Variants in IL1RAPL2 observed in about 807,000 individuals in gnomAD.
IL1RAPL2 encodes the protein X-linked interleukin-1 receptor accessory protein-like 2.
Under a neutral mutation model 44.1 loss-of-function variants are expected in IL1RAPL2, and 3 were observed. The observed-to-expected ratio is 0.07, with a 90% CI of 0.03 to 0.18. The LOEUF (loss-of-function observed/expected upper bound fraction) is 0.18, where lower values mean the gene tolerates loss of function less well. IL1RAPL2 is among the 10% of genes least tolerant of loss of function. The pLI is 1.00. For synonymous variants in IL1RAPL2, 181 were observed against 178.8 expected, an observed-to-expected ratio of 1.01 and a Z score of -0.10; for missense variants, 391 against 496.4, an observed-to-expected ratio of 0.79 and a Z score of 2.02.
At chrX:105,669,047 AT>A (rs1271881990) in intron 6 of IL1RAPL2, among the ~76,000 whole-genome samples, 2 of 111,738 alleles carry the variant, frequency 1.8e-5, no homozygotes, top group African/African-American at 6.5e-5. Context: ...GAAGGATCTC[AT>A]TTTAAAATTA....
chrX:104,730,367 T>TGGGCCCCCCC, intron 2 of IL1RAPL2, among the ~76,000 whole-genome samples: 1 of 66,818 alleles, frequency 1.5e-5, no homozygotes, highest in East Asian at 5.9e-4. Flanking sequence ...ATGCTATCCC[T>TGGGCCCCCCC]CCCCTCCCCC....
chrX:105,292,392 T>G (rs192742106), intron 5 of IL1RAPL2, among the ~76,000 whole-genome samples: 4 of 112,362 alleles, frequency 3.6e-5, no homozygotes, highest in African/African-American at 1.3e-4. Context: ...CTGCCACTTG[T>G]TGTGTTTGGT....
intron 2 of IL1RAPL2, among the ~76,000 whole-genome samples, chrX:105,107,313 G>A (rs781377611): frequency 8.9e-6 from 1 of 112,222 alleles, no homozygotes; most frequent in African/African-American, 3.2e-5. Flanking sequence ...CAGAAATCTT[G>A]AGTTTGAGTC....
chrX:105,220,363 A>C lies in IL1RAPL2; in HGVS notation c.357-13455A>C. 8.3e-7 allele frequency: 1 copy of C among 1,199,142 alleles called. No homozygotes were observed. Among genetic ancestry groups the C allele is most frequent in the Admixed American group, 2.2e-5 (1 of 45,678 alleles). On this transcript the variant is annotated intron_variant, in intron 3 of 10. Coordinates refer to ENST00000372582, the MANE Select transcript of IL1RAPL2 (RefSeq NM_017416.2). ...GAAGGCCACCACGTTGCTATGCCGGAACCCGCTACTGGGGTCCTCAGGTCT... is the reference window on the plus strand; with the variant it reads ...GAAGGCCACCACGTTGCTATGCCGGCACCCGCTACTGGGGTCCTCAGGTCT...
intron 7 of IL1RAPL2, among the ~76,000 whole-genome samples, chrX:105,729,559 G>A (rs1458254098): frequency 9.1e-6 from 1 of 110,446 alleles, no homozygotes; most frequent in Non-Finnish European, 1.9e-5. Context: ...GTTTTTTTAT[G>A]GTTGAGTTTT....
At chrX:105,500,397 A>G (rs1229121934) in intron 6 of IL1RAPL2, among the ~76,000 whole-genome samples, 2 of 111,127 alleles carry the variant, frequency 1.8e-5, no homozygotes, top group Non-Finnish European at 3.8e-5. Context: ...TCTAACAGAG[A>G]TCTATTAACT....
At chrX:105,082,793 A>T (rs1317225591) in intron 2 of IL1RAPL2, among the ~76,000 whole-genome samples, 1 of 111,556 alleles carries the variant, frequency 9.0e-6, no homozygotes, top group Non-Finnish European at 1.9e-5. Context: ...ACCCCATCCG[A>T]AGGTCACCAA....
At chrX:105,316,908 A>ATTT (rs145680042) in intron 5 of IL1RAPL2, among the ~76,000 whole-genome samples, 1 of 105,639 alleles carries the variant, frequency 9.5e-6, no homozygotes, top group African/African-American at 3.4e-5. Context: ...GTCTCCAGTA[A>ATTT]TTTTTTTTTT....
At chrX:104,730,887 T>C (rs1332844806) in intron 2 of IL1RAPL2, among the ~76,000 whole-genome samples, 3 of 109,894 alleles carry the variant, frequency 2.7e-5, no homozygotes, top group African/African-American at 6.6e-5. Flanking sequence ...AGCACCTGTT[T>C]TTTCCTGACT....
At chrX:104,786,735 T>C (rs1320800429) in intron 2 of IL1RAPL2, among the ~76,000 whole-genome samples, 1 of 111,576 alleles carries the variant, frequency 9.0e-6, no homozygotes, top group Non-Finnish European at 1.9e-5. Context: ...GTAGCTACTC[T>C]CATAGGTATC....
chrX:104,913,432 G>T (rs939159370), intron 2 of IL1RAPL2, among the ~76,000 whole-genome samples: 1 of 111,305 alleles, frequency 9.0e-6, no homozygotes, highest in East Asian at 2.8e-4. Context: ...ATCACTTCAG[G>T]TCCCTGAGCA....
intron 2 of IL1RAPL2, among the ~76,000 whole-genome samples, chrX:105,039,917 G>A (rs2031695927): frequency 9.0e-6 from 1 of 110,674 alleles, no homozygotes; most frequent in East Asian, 2.9e-4. Context: ...CCAACACTAT[G>A]TTGAATAGGA....
intron 6 of IL1RAPL2, among the ~76,000 whole-genome samples, chrX:105,618,040 C>A (rs1366791486): frequency 4.5e-5 from 5 of 110,368 alleles, no homozygotes; most frequent in African/African-American, 1.6e-4. Flanking sequence ...TTGGAGACCA[C>A]ATTTTCTTAA....
intron 2 of IL1RAPL2, among the ~76,000 whole-genome samples, chrX:105,146,724 A>C (rs1198941374): frequency 2.7e-5 from 3 of 111,265 alleles, no homozygotes; most frequent in Non-Finnish European, 5.7e-5. Context: ...AAAAAATGAG[A>C]CATTTATTGC....
rs944091914 is a variant in IL1RAPL2 at position 105,485,782 on chromosome X, T to C, written c.772+1395T>C. ...TTTCATCCATGTTGTTGCAAATCAC[T>C]GGACCTCGTTCTTTTTTATGACTGA... On this transcript the variant is annotated intron_variant, in intron 6 of 10. Transcript: ENST00000372582. 4.5e-5 allele frequency among the ~76,000 whole-genome samples: 5 copies of C among 112,133 alleles called. No homozygotes were observed. In the East Asian group the frequency reaches 8.4e-4, roughly 19 times the overall value.
At chrX:105,238,768 G>A (rs1556204662) in intron 4 of IL1RAPL2, among the ~76,000 whole-genome samples, 2 of 110,725 alleles carry the variant, frequency 1.8e-5, no homozygotes, top group African/African-American at 6.6e-5. Context: ...TCTCACTTAG[G>A]TGAGAGTGTG....
chrX:105,335,961 CA>C (rs1399430922), intron 5 of IL1RAPL2, among the ~76,000 whole-genome samples: 1 of 111,825 alleles, frequency 8.9e-6, no homozygotes, highest in East Asian at 2.8e-4. Context: ...AAATGTTTGC[CA>C]ATAAAAATTC....
intron 5 of IL1RAPL2, among the ~76,000 whole-genome samples, chrX:105,452,446 T>A (rs776578478): frequency 1.5e-3 from 162 of 111,677 alleles, no homozygotes; most frequent in Non-Finnish European, 2.5e-3. Context: ...ACACTGCCTA[T>A]GGAAGCCATA....
intron 2 of IL1RAPL2, among the ~76,000 whole-genome samples, chrX:104,772,907 TTTTTC>T (rs1178624338): frequency 9.0e-6 from 1 of 111,021 alleles, no homozygotes; most frequent in Middle Eastern, 4.2e-3. Flanking sequence ...GAAGTACAAT[TTTTTC>T]TTTTTCTTTT....
Sources: gnomAD v4.1 joint callset for allele counts (sites outside exome capture counted in the v4.1 genomes callset) on GRCh38, gnomAD v4.1.1 for gene constraint, MANE v1.5 for transcripts, NCBI Gene and HGNC (gene_info 2026-07-23, HGNC 2026-07-21) for gene names.